Variants in HMCN2 observed in about 807,000 individuals in gnomAD.
HMCN2 encodes hemicentin 2.
Under a neutral mutation model 377.5 loss-of-function variants are expected in HMCN2, and 325 were observed. The ratio of observed to expected loss-of-function variants is 0.86; its 90% CI spans 0.79 to 0.94. The LOEUF (loss-of-function observed/expected upper bound fraction) is 0.94, where lower values mean the gene tolerates loss of function less well. Ranked by LOEUF, HMCN2 falls within the 40% of genes least tolerant of loss-of-function variation. The pLI is 0.00. For synonymous variants in HMCN2, 2,007 were observed against 2,046.8 expected, an observed-to-expected ratio of 0.98 and a Z score of 0.53; for missense variants, 4,543 against 4,725.3, an observed-to-expected ratio of 0.96 and a Z score of 1.13.
At chr9:130,429,977 G>A (rs1844640026) in intron 94 of HMCN2, 1 of 595,744 alleles carries the variant, frequency 1.7e-6, no homozygotes, top group African/African-American at 1.9e-5. Flanking sequence ...GGAGGCAAGT[G>A]GGTGTATCTC....
Position 130,432,545 on chromosome 9 carries a change from C to T in HMCN2, c.14884C>T (p.Pro4962Ser), listed in dbSNP as rs1334254142. Residue 4962 changes from proline to serine, a missense_variant, in exon 97 of 98, where the codon CCC becomes TCC. By Grantham distance (74) the Pro-to-Ser change is moderately conservative. Coordinates refer to ENST00000683500, the MANE Select transcript of HMCN2 (RefSeq NM_001291815.2). The part of the protein sequence containing the change: ...TPCPATYRQG[P>S]SPGTCFRRCS... ...CTGTCCTGCCACCTACCGGCAGGGC[C>T]CCAGCCCTGGGTAAGGGCTGAGTTG... is the stretch of plus-strand genomic sequence containing the variant. 6.5e-7 allele frequency: 1 copy of T among 1,550,348 alleles called. No homozygotes were observed. The highest frequency in any genetic ancestry group is 1.4e-5 in the African/African-American group (1 of 73,048).
At chr9:130,365,545 G>A (rs573951247) in intron 41 of HMCN2, 86 bp from the exon 42 acceptor site, 6 of 627,200 alleles carry the variant, frequency 9.6e-6, no homozygotes, top group African/African-American at 2.0e-5. Context: ...GCAAGGTCAC[G>A]TGACATGTCT....
intron 73 of HMCN2, among the ~76,000 whole-genome samples, chr9:130,397,091 A>G (rs1000151602): frequency 6.6e-6 from 1 of 152,172 alleles, no homozygotes; most frequent in Non-Finnish European, 1.5e-5. Context: ...ATAAAGACAT[A>G]CCTGAGACTG....
At chr9:130,424,953 AG>A (rs900771434) in intron 88 of HMCN2, 40 bp downstream of exon 88, 4 of 1,494,402 alleles carry the variant, frequency 2.7e-6, no homozygotes, top group Non-Finnish European at 2.7e-6. Context: ...GTAGGACTAA[AG>A]CCTGCGCCCA....
chr9:130,309,039 G>A (rs990051353), intron 14 of HMCN2, among the ~76,000 whole-genome samples: 41 of 152,388 alleles, frequency 2.7e-4, no homozygotes, highest in Middle Eastern at 6.8e-3. Flanking sequence ...ACACAACAGT[G>A]TGAATGCACT....
intron 23 of HMCN2, among the ~76,000 whole-genome samples, chr9:130,340,485 C>G (rs1457673477): frequency 6.6e-6 from 1 of 151,986 alleles, no homozygotes; most frequent in African/African-American, 2.4e-5. Flanking sequence ...CCTCAGTTTC[C>G]CCTGTGCACT....
chr9:130,287,301 A>C lies in HMCN2; in HGVS notation c.612+991A>C, dbSNP rs376080515. 3.9e-5 allele frequency among the ~76,000 whole-genome samples: 6 copies of C among 152,030 alleles called. No individual in the cohort carries two copies. The East Asian group carries it at 7.8e-4, about 20-fold the overall frequency. On this transcript the variant is annotated intron_variant, in intron 4 of 97. Coordinates refer to ENST00000683500, the MANE Select transcript of HMCN2 (RefSeq NM_001291815.2). ...TTGCTACCCTGCTGGCTTCTCTGCT[A>C]TCTCTCCAATGTCCTACGCTCCTCC...
intron 15 of HMCN2, among the ~76,000 whole-genome samples, chr9:130,315,795 G>T (rs960733477): frequency 6.6e-6 from 1 of 152,132 alleles, no homozygotes; most frequent in Non-Finnish European, 1.5e-5. Context: ...CTTCTCTCAG[G>T]TCCTCTCGTG....
chr9:130,405,086 C>G, intron 81 of HMCN2, 27 bp downstream of exon 81: 1 of 1,260,712 alleles, frequency 7.9e-7, no homozygotes, highest in Non-Finnish European at 1.0e-6. Flanking sequence ...AGGGGCACAG[C>G]AGGGAATAAT....
chr9:130,290,372 C>T (rs1461113179), intron 4 of HMCN2, among the ~76,000 whole-genome samples: 1 of 152,234 alleles, frequency 6.6e-6, no homozygotes, highest in African/African-American at 2.4e-5. Context: ...GTTCAGTAGT[C>T]TGAATTGCCG....
At chr9:130,324,104 C>T (rs1230213394) in intron 19 of HMCN2, among the ~76,000 whole-genome samples, 6 of 152,182 alleles carry the variant, frequency 3.9e-5, no homozygotes, top group Non-Finnish European at 7.3e-5. Flanking sequence ...ACACTATCAC[C>T]GCTATCCATC....
At chr9:130,368,518 A>C in intron 44 of HMCN2, 81 bp downstream of exon 44, 1 of 789,288 alleles carries the variant, frequency 1.3e-6, no homozygotes, top group Non-Finnish European at 1.5e-6. Flanking sequence ...TGGAGCAAAT[A>C]CGGGGAAGTG....
intron 24 of HMCN2, among the ~76,000 whole-genome samples, chr9:130,341,681 G>T (rs1839053586): frequency 1.3e-5 from 2 of 152,198 alleles, no homozygotes; most frequent in African/African-American, 4.8e-5. Context: ...GGCACCTGGA[G>T]CAGTAACCAG....
At chr9:130,290,858 G>A (rs1353093822) in intron 4 of HMCN2, among the ~76,000 whole-genome samples, 1 of 105,696 alleles carries the variant, frequency 9.5e-6, no homozygotes, top group Non-Finnish European at 1.8e-5. Flanking sequence ...TTCTAGCTCA[G>A]TCTGAAAAAA....
Position 130,360,487 on chromosome 9 carries a change from G to A in HMCN2, c.5833G>A (p.Val1945Met). The A allele has an allele frequency of 3.1e-6, 4 of 1,304,082 alleles. No individual in the cohort carries two copies. Among genetic ancestry groups the A allele is most frequent in the South Asian group, 1.2e-5 (1 of 81,016 alleles). The allele number at this position is 1,304,082 out of a possible 1,614,324, so 80.8% of individuals were successfully genotyped here. Residue 1945 changes from valine to methionine, a missense_variant, in exon 38 of 98, where the codon GTG (valine) becomes ATG (methionine). Physicochemically the swap from Val to Met is conservative, Grantham distance 21. Coordinates refer to ENST00000683500, the MANE Select transcript of HMCN2 (RefSeq NM_001291815.2). This position sits in a 1 kb window ranked among gnomAD's most constrained non-coding sequence, Gnocchi z 4.7. The part of the protein sequence containing the change: ...VSSWMGVTVS[V>M]DGRVLRIEQA... ...TTCATGGATGGGAGTGACAGTATCA[G>A]TGGATGGGAGAGTTCTCCGCATTGA...
rs781915991 is a variant in HMCN2, at chr9:130,306,252, C to A, written c.1940C>A (p.Ala647Asp). ...PHISWSRESQALQEDSRIHVD... is the reference protein window; with the variant it reads ...PHISWSRESQDLQEDSRIHVD... ...ATCTCCTGGAGCCGTGAGAGCCAAG[C>A]CCTACAAGAGGACAGCAGGTGAGGG... The change falls in exon 12 of 98, where the codon GCC (alanine) becomes GAC (aspartate). Residue 647 changes from alanine (A) to aspartate (D), a missense_variant. Physicochemically the swap from Ala to Asp is moderately radical, Grantham distance 126. Transcript: ENST00000683500. 4.2e-6 allele frequency: 2 copies of A among 470,988 alleles called. No individual in the cohort carries two copies. Among genetic ancestry groups the A allele is most frequent in the African/African-American group, 4.0e-5 (2 of 50,072 alleles). The allele number at this position is 470,988 out of a possible 1,614,324, so 29.2% of individuals were successfully genotyped here.
intron 22 of HMCN2, among the ~76,000 whole-genome samples, 182 bp from the exon 23 acceptor site, chr9:130,337,712 G>A (rs1338721330): frequency 2.0e-5 from 3 of 150,952 alleles, no homozygotes; most frequent in South Asian, 2.1e-4. Flanking sequence ...ACCAGTAGGC[G>A]TGAGAACTGG....
chr9:130,359,447 C>G, intron 37 of HMCN2, 33 bp downstream of exon 37: 1 of 1,177,428 alleles, frequency 8.5e-7, no homozygotes, highest in Non-Finnish European at 1.1e-6. Flanking sequence ...AAAGCTACTT[C>G]CAGCCCAATT....
chr9:130,393,312 A>G lies in HMCN2; in HGVS notation c.10234+3A>G, dbSNP rs1842430365. The G allele has an allele frequency of 2.0e-6, 2 of 989,130 alleles. No homozygotes were observed. Among genetic ancestry groups the G allele is most frequent in the Non-Finnish European group, 2.4e-6 (2 of 830,556 alleles). 61.3% of individuals were successfully genotyped at this position (989,130 alleles called of 1,614,324 possible). A position where few individuals can be genotyped will look rare whatever the true frequency, so the allele number is the denominator to read the frequency against. ...GAACTTCACCTTGCAGGTGCAGGGT[A>G]TGGAGCAGGGGGTGGGGCAAGGGGG... On this transcript the variant is annotated splice_donor_region_variant and intron_variant, in intron 67 of 97. Coordinates refer to ENST00000683500, the MANE Select transcript of HMCN2 (RefSeq NM_001291815.2). The surrounding 1 kb of genome is among the most constrained non-coding windows in gnomAD (Gnocchi z 5.2).
Sources: gnomAD v4.1 joint callset for allele counts (sites outside exome capture counted in the v4.1 genomes callset) on GRCh38, gnomAD v4.1.1 for gene constraint, Gnocchi (gnomAD v3.1) non-coding constraint, MANE v1.5 for transcripts, NCBI Gene and HGNC (gene_info 2026-07-23, HGNC 2026-07-21) for gene names.